PLD5: variants seen among roughly 807,000 people sequenced by gnomAD.
The protein encoded by PLD5 is inactive phospholipase D5.
In PLD5, 36 loss-of-function variants were observed where a neutral mutation model predicts 61.1. The ratio of observed to expected loss-of-function variants is 0.59; its 90% CI spans 0.45 to 0.78. The LOEUF is 0.78. Among genes scored for constraint, PLD5 ranks in the 30% least tolerant of loss-of-function variants. The probability of loss-of-function intolerance (pLI) is 0.00; values close to 1 mark genes in which losing one functional copy is unlikely to be tolerated. For synonymous variants in PLD5, 243 were observed against 242.8 expected (o/e 1.00, Z -0.01); for missense variants, 515 against 644.4 (o/e 0.80, Z 2.17).
At chr1:242,153,412 T>C (rs1665098796) in intron 5 of PLD5, among the ~76,000 whole-genome samples, 1 of 151,502 alleles carries the variant, frequency 6.6e-6, no homozygotes, top group African/African-American at 2.4e-5. Flanking sequence ...GTTTTAGACA[T>C]GAAGTCTTTG....
At chr1:242,236,145 G>A (rs1162604755) in intron 4 of PLD5, among the ~76,000 whole-genome samples, 2 of 152,182 alleles carry the variant, frequency 1.3e-5, no homozygotes, top group East Asian at 1.9e-4. Context: ...GTGAGAAGAT[G>A]GCTGTCTATG....
intron 4 of PLD5, among the ~76,000 whole-genome samples, chr1:242,246,121 G>C (rs1257664150): frequency 6.6e-6 from 1 of 152,030 alleles, no homozygotes; most frequent in Non-Finnish European, 1.5e-5. Context: ...TAATTCCAGT[G>C]CTTTGGGAGA....
chr1:242,165,977 G>A lies in PLD5; in HGVS notation c.736-41312C>T, dbSNP rs543333786. On this transcript the variant is annotated intron_variant, in intron 5 of 9. Transcript: ENST00000536534. ...GTCCTTCCTTGCATAACCCAGGGAC[G>A]AAGCGCTGCCCCGCACCACACCCTG... is the stretch of plus-strand genomic sequence containing the variant. Among the ~76,000 whole-genome samples the A allele has an allele frequency of 7.1e-4, 108 of 152,290 alleles. No individual in the cohort carries two copies. In the Middle Eastern group the frequency reaches 0.01, roughly 14 times the overall value.
In PLD5 at chr1:242,396,668, C is replaced by CTTTCTTTTTTT. The variant is rs1479365427; in HGVS notation, c.190-48427_190-48426insAAAAAAAGAAA. ...GCATGCTATTTTCTTTCTTTCTTTT[C>CTTTCTTTTTTT]TTTTCTTTTTTTTTTTTTTTTTTGA... On this transcript the variant is annotated intron_variant, in intron 1 of 9. Transcript: ENST00000536534. Among the ~76,000 whole-genome samples the CTTTCTTTTTTT allele has an allele frequency of 1.0e-4, 13 of 125,128 alleles. 1 individual carries two copies. The highest frequency in any genetic ancestry group is 3.9e-4 in the African/African-American group (10 of 25,590). 82.1% of individuals were successfully genotyped at this position (125,128 alleles called of 152,430 possible).
chr1:242,085,417 T>C lies in PLD5; in HGVS notation c.*4437A>G, dbSNP rs1313080821. The stretch of plus-strand genomic sequence containing the variant: ...AGCATCTTCATAATTCAGCCAAAGA[T>C]GGGAATTCTCTCAAATGAGAAAGAC... On this transcript the variant is annotated 3_prime_UTR_variant, in exon 10 of 10. Transcript: ENST00000536534. 6.6e-6 allele frequency: 1 copy of C among 152,200 alleles called. No homozygotes were observed. The highest frequency in any genetic ancestry group is 2.4e-5 in the African/African-American group (1 of 41,446). The allele number at this position is 152,200 out of a possible 1,614,324, so 9.4% of individuals were successfully genotyped here.
intron 4 of PLD5, among the ~76,000 whole-genome samples, chr1:242,264,481 G>A (rs944680517): frequency 3.9e-5 from 6 of 152,126 alleles, no homozygotes; most frequent in African/African-American, 1.4e-4. Flanking sequence ...TTTGATTCCT[G>A]TTCTGTTCCA....
Position 242,304,824 on chromosome 1 carries a change from G to C in PLD5, c.327-16294C>G, listed in dbSNP as rs369491744. On this transcript the variant is annotated intron_variant, in intron 2 of 9. Coordinates refer to ENST00000536534, the MANE Select transcript of PLD5 (RefSeq NM_001372062.1). ...TTTTTGGTAATGAAAATAATTGTGA[G>C]CTGGATTGGTGGCTCATACCTGTTA... Among the ~76,000 whole-genome samples the C allele has an allele frequency of 3.9e-5, 6 of 152,170 alleles. No individual in the cohort carries two copies. In the East Asian group the frequency reaches 9.6e-4, roughly 24 times the overall value.
At chr1:242,344,835 T>C (rs1265804280) in intron 2 of PLD5, among the ~76,000 whole-genome samples, 1 of 152,106 alleles carries the variant, frequency 6.6e-6, no homozygotes, top group Non-Finnish European at 1.5e-5. Context: ...GACAAAGACA[T>C]ACCTGAAACT....
intron 5 of PLD5, among the ~76,000 whole-genome samples, chr1:242,139,580 C>A (rs1031240435): frequency 6.6e-6 from 1 of 152,140 alleles, no homozygotes; most frequent in Non-Finnish European, 1.5e-5. Flanking sequence ...TCTCACAGAA[C>A]AGGGCCACAT....
In PLD5 at chr1:242,083,496, C is replaced by T. The variant is rs1466803907; in HGVS notation, c.*6358G>A. On this transcript the variant is annotated 3_prime_UTR_variant, in exon 10 of 10. Transcript: ENST00000536534. The stretch of plus-strand genomic sequence containing the variant: ...AGACACCAGGAAAACTATAGATCCA[C>T]CTATGAAATATGAATGAGAGATAGC... The T allele has an allele frequency of 4.6e-5, 7 of 152,146 alleles. No homozygotes were observed. Among genetic ancestry groups the T allele is most frequent in the African/African-American group, 1.4e-4 (6 of 41,430 alleles). The allele number at this position is 152,146 out of a possible 1,614,324, so 9.4% of individuals were successfully genotyped here.
intron 1 of PLD5, among the ~76,000 whole-genome samples, chr1:242,389,598 G>A (rs1049314203): frequency 2.0e-5 from 3 of 151,780 alleles, no homozygotes; most frequent in African/African-American, 7.3e-5. Flanking sequence ...TTTCAGAGCT[G>A]TATCCAAGCA....
At chr1:242,460,619 C>G (rs574675182) in intron 1 of PLD5, among the ~76,000 whole-genome samples, 73 of 151,812 alleles carry the variant, frequency 4.8e-4, no homozygotes, top group African/African-American at 1.8e-3. Context: ...TACAGACACA[C>G]AAACAACACA....
At chr1:242,213,889 C>A (rs1669980276) in intron 5 of PLD5, among the ~76,000 whole-genome samples, 1 of 151,180 alleles carries the variant, frequency 6.6e-6, no homozygotes, top group South Asian at 2.1e-4. Flanking sequence ...CATACCGGGA[C>A]TAAAACACTC....
At position 242,249,745 on chromosome 1, in the gene PLD5, A is replaced by G. The variant is rs558769183; in HGVS notation, c.607+15592T>C. Among the ~76,000 whole-genome samples, 75 of 152,316 alleles carry G rather than the reference A, an allele frequency of 4.9e-4. No homozygotes were observed. In the South Asian group the frequency reaches 0.014, roughly 29 times the overall value. On this transcript the variant is annotated intron_variant, in intron 4 of 9. Transcript: ENST00000536534. The stretch of plus-strand genomic sequence containing the variant: ...AATAATGTAGAAAAAAACATTCAAA[A>G]TGTTCTTATTTCTGATCTCCATTGG...
At chr1:242,131,034 G>A (rs936369683) in intron 5 of PLD5, among the ~76,000 whole-genome samples, 4 of 152,056 alleles carry the variant, frequency 2.6e-5, no homozygotes, top group Non-Finnish European at 4.4e-5. Flanking sequence ...GGCCGGGCGC[G>A]GTGACTCACG....
In PLD5 at chr1:242,282,511, C is replaced by T. The variant is rs1181999013; in HGVS notation, c.495+5851G>A. On this transcript the variant is annotated intron_variant, in intron 3 of 9. Coordinates refer to ENST00000536534, the MANE Select transcript of PLD5 (RefSeq NM_001372062.1). ...TTGATTTTAAAAAATCATAATTTCTCGAAATCAAACAATTCTGATGTATCA... is the reference window on the plus strand; with the variant it reads ...TTGATTTTAAAAAATCATAATTTCTTGAAATCAAACAATTCTGATGTATCA... Among the ~76,000 whole-genome samples, 7 of 152,236 alleles carry T rather than the reference C, an allele frequency of 4.6e-5. No individual in the cohort carries two copies. The East Asian group carries it at 9.7e-4, about 21-fold the overall frequency.
intron 1 of PLD5, among the ~76,000 whole-genome samples, chr1:242,415,769 A>G (rs1300065543): frequency 1.3e-5 from 2 of 152,072 alleles, no homozygotes; most frequent in Admixed American, 6.5e-5. Flanking sequence ...TCGGCTTCCC[A>G]AAGTGCTGGG....
chr1:242,090,177 A>C, intron 9 of PLD5, 67 bp from the exon 10 acceptor site: 1 of 1,560,100 alleles, frequency 6.4e-7, no homozygotes, highest in Non-Finnish European at 8.8e-7. Flanking sequence ...AATATAATGA[A>C]ATTCAGAGTG....
intron 1 of PLD5, among the ~76,000 whole-genome samples, chr1:242,472,993 A>G (rs1054440888): frequency 1.1e-4 from 17 of 152,296 alleles, no homozygotes; most frequent in African/African-American, 3.6e-4. Context: ...AGATTTCAAG[A>G]GAAAAGAGAA....
Sources: allele counts gnomAD v4.1 joint callset (sites outside exome capture counted in the v4.1 genomes callset), GRCh38; gene constraint gnomAD v4.1.1; transcripts MANE v1.5; gene names NCBI Gene and HGNC (gene_info 2026-07-23, HGNC 2026-07-21).